DAGLA: variants seen among roughly 807,000 people sequenced by gnomAD.
DAGLA encodes the protein diacylglycerol lipase-alpha.
DAGLA carries 22 observed loss-of-function variants against 102.6 expected under a neutral mutation model. The ratio of observed to expected loss-of-function variants is 0.21; its 90% CI spans 0.15 to 0.31. DAGLA has a LOEUF of 0.31. Among genes scored for constraint, DAGLA ranks in the 10% least tolerant of loss-of-function variants. DAGLA has a pLI of 1.00. For synonymous variants in DAGLA, 578 were observed against 628.9 expected (o/e 0.92, Z 1.21); for missense variants, 927 against 1,446.6 (o/e 0.64, Z 5.83).
intron 1 of DAGLA, among the ~76,000 whole-genome samples, chr11:61,689,891 A>G (rs2065011063): frequency 6.6e-6 from 1 of 152,022 alleles, no homozygotes; most frequent in Non-Finnish European, 1.5e-5. Context: ...TCTTCCTCAG[A>G]TTCTCTGAGT....
chr11:61,698,904 C>T (rs914436455), intron 1 of DAGLA, among the ~76,000 whole-genome samples: 1 of 152,214 alleles, frequency 6.6e-6, no homozygotes, highest in African/African-American at 2.4e-5. Context: ...AGCTTTGGAA[C>T]ACTGAGGAGT....
At chr11:61,717,178 G>C (rs943099640) in intron 1 of DAGLA, among the ~76,000 whole-genome samples, 6 of 152,240 alleles carry the variant, frequency 3.9e-5, no homozygotes, top group Admixed American at 2.6e-4. Context: ...TGCCCTCCCC[G>C]CTCCTGAGAC....
At chr11:61,727,721 A>G (rs1168593739) in intron 6 of DAGLA, among the ~76,000 whole-genome samples, 1 of 152,188 alleles carries the variant, frequency 6.6e-6, no homozygotes, top group Non-Finnish European at 1.5e-5. Flanking sequence ...CTTACGAGGG[A>G]CTTCCAAGGT....
intron 1 of DAGLA, among the ~76,000 whole-genome samples, chr11:61,698,444 C>T (rs2065083619): frequency 6.6e-6 from 1 of 152,228 alleles, no homozygotes; most frequent in African/African-American, 2.4e-5. Flanking sequence ...TGCTCACCCC[C>T]CTGCTAACTT....
intron 1 of DAGLA, among the ~76,000 whole-genome samples, chr11:61,710,204 C>T (rs1011722782): frequency 1.3e-5 from 2 of 151,988 alleles, no homozygotes; most frequent in Non-Finnish European, 2.9e-5. Flanking sequence ...CGCTGGGATT[C>T]GTGCTGGGAG....
At chr11:61,731,218 G>C in intron 8 of DAGLA, 99 bp from the exon 9 acceptor site, 1 of 1,478,780 alleles carries the variant, frequency 6.8e-7, no homozygotes, top group Non-Finnish European at 9.2e-7. Flanking sequence ...TCCCTGCCAG[G>C]GGTTGGGTCC....
rs189572337 is a variant in DAGLA at position 61,743,233 on chromosome 11, C to T, written c.2172-299C>T. ...ACAAAAAATTAGCCAGGCATGGTGG[C>T]GGGCACCTGTAGTCCCAGCTACTCG... On this transcript the variant is annotated intron_variant, in intron 19 of 19. Transcript: ENST00000257215. 9.7e-4 allele frequency among the ~76,000 whole-genome samples: 147 copies of T among 152,032 alleles called. 1 individual carries two copies. Among genetic ancestry groups the T allele is most frequent in the African/African-American group, 3.3e-3 (138 of 41,472 alleles).
At position 61,680,461 on chromosome 11, in the gene DAGLA, G is replaced by A. The variant is rs1488687203; in HGVS notation, c.-88G>A. On this transcript the variant is annotated 5_prime_UTR_variant, in exon 1 of 20. Transcript: ENST00000257215. ...GGGGCCTTGGGGAGCCCAGGATGGA[G>A]GTGGCGGTCGCGGCGGCGGGCCGAG... 6.6e-6 allele frequency: 1 copy of A among 152,064 alleles called. No individual in the cohort carries two copies. The highest frequency in any genetic ancestry group is 6.6e-5 in the Admixed American group (1 of 15,186). The allele number at this position is 152,064 out of a possible 1,614,324, so 9.4% of individuals were successfully genotyped here.
chr11:61,740,318 C>T (rs2065466414), intron 17 of DAGLA, 145 bp from the exon 18 acceptor site: 1 of 1,090,458 alleles, frequency 9.2e-7, no homozygotes, highest in South Asian at 1.5e-5. Context: ...GGCCAGGGAA[C>T]AGAGCCCTGC....
intron 1 of DAGLA, among the ~76,000 whole-genome samples, chr11:61,688,175 C>T (rs2064999669): frequency 6.6e-6 from 1 of 151,962 alleles, no homozygotes; most frequent in South Asian, 2.1e-4. Context: ...ATTAGCCGGG[C>T]ATGGTGGTGG....
chr11:61,723,617 G>A (rs116883390), intron 5 of DAGLA, 45 bp downstream of exon 5: 1 of 1,599,560 alleles, frequency 6.3e-7, no homozygotes, highest in South Asian at 1.1e-5. Context: ...GGGCTTTGCT[G>A]TCTGGTGAGC....
At chr11:61,685,714 T>C (rs373932879) in intron 1 of DAGLA, among the ~76,000 whole-genome samples, 2 of 150,166 alleles carry the variant, frequency 1.3e-5, no homozygotes, top group African/African-American at 2.5e-5. Context: ...GCCAGGGAGG[T>C]TGGGGAGACT....
intron 15 of DAGLA, among the ~76,000 whole-genome samples, 172 bp downstream of exon 15, chr11:61,737,927 C>G (rs998128531): frequency 6.6e-6 from 1 of 152,064 alleles, no homozygotes; most frequent in Non-Finnish European, 1.5e-5. Flanking sequence ...GGTGAACGCA[C>G]GTGCTGGCGC....
chr11:61,742,609 C>G (rs753867237), intron 19 of DAGLA, among the ~76,000 whole-genome samples: 1 of 152,166 alleles, frequency 6.6e-6, no homozygotes, highest in Non-Finnish European at 1.5e-5. Context: ...CAGAGGGCTG[C>G]GGCCCATGGG....
intron 1 of DAGLA, among the ~76,000 whole-genome samples, chr11:61,708,447 T>C (rs984330644): frequency 1.3e-5 from 2 of 152,120 alleles, no homozygotes; most frequent in Non-Finnish European, 2.9e-5. Flanking sequence ...GTGGCGTGAT[T>C]TCGGCGCACT....
chr11:61,735,223 A>G (rs888520652), intron 10 of DAGLA, among the ~76,000 whole-genome samples: 1 of 152,028 alleles, frequency 6.6e-6, no homozygotes, highest in Non-Finnish European at 1.5e-5. Context: ...GCAGACATCA[A>G]CCCCACACCC....
intron 5 of DAGLA, among the ~76,000 whole-genome samples, chr11:61,723,959 A>T (rs198425): frequency 0.26 from 39,925 of 152,104 alleles, 5,440 homozygotes; most frequent in East Asian, 0.46. Context: ...ACAGCTGTCA[A>T]CTTCCCCATA....
intron 1 of DAGLA, among the ~76,000 whole-genome samples, chr11:61,693,563 G>A (rs2065041309): frequency 6.6e-6 from 1 of 152,064 alleles, no homozygotes; most frequent in South Asian, 2.1e-4. Context: ...TGGCCAGGCT[G>A]GTCTCGATCT....
At chr11:61,717,380 C>T (rs1437146168) in intron 1 of DAGLA, among the ~76,000 whole-genome samples, 3 of 152,030 alleles carry the variant, frequency 2.0e-5, no homozygotes, top group Non-Finnish European at 4.4e-5. Flanking sequence ...CCACCCCAGA[C>T]CTTGACTTGT....
Sources: gnomAD v4.1 joint callset for allele counts (sites outside exome capture counted in the v4.1 genomes callset) on GRCh38, gnomAD v4.1.1 for gene constraint, MANE v1.5 for transcripts, NCBI Gene and HGNC (gene_info 2026-07-23, HGNC 2026-07-21) for gene names.